ZNF138: variants seen among roughly 807,000 people sequenced by gnomAD.
ZNF138 encodes the protein zinc finger protein 138 (clone pHZ-32).
A neutral mutation model predicts 33.0 loss-of-function variants in ZNF138; 33 were observed. The ratio of observed to expected loss-of-function variants is 1.00; its 90% CI spans 0.76 to 1.34. The LOEUF is 1.34. Among genes scored for constraint, ZNF138 ranks in the 40% most tolerant of loss-of-function variants. The pLI is 0.00. For missense variants in ZNF138, 360 were observed against 370.8 expected, an observed-to-expected ratio of 0.97 and a Z score of 0.24; for synonymous variants, 139 against 120.4, an observed-to-expected ratio of 1.15 and a Z score of -1.01.
intron 3 of ZNF138, among the ~76,000 whole-genome samples, chr7:64,817,131 G>A (rs1352343987): frequency 6.6e-6 from 1 of 151,308 alleles, no homozygotes; most frequent in East Asian, 1.9e-4. Context: ...TCACTGTGTG[G>A]GTTTCTATGT....
At chr7:64,814,593 C>T (rs533899492) in intron 1 of ZNF138, among the ~76,000 whole-genome samples, 101 of 152,112 alleles carry the variant, frequency 6.6e-4, no homozygotes, top group South Asian at 2.5e-3. Context: ...AGTGAAGCCC[C>T]GTTTCTACTA....
the ZNF138 span, chr7:64,852,351 A>G: frequency 8.4e-7 from 1 of 1,195,332 alleles, no homozygotes; most frequent in Non-Finnish European, 1.2e-6. Context: ...TAAAGGAAAT[A>G]GATCTATTTA....
chr7:64,860,061 C>A, the ZNF138 span, among the ~76,000 whole-genome samples: 11 of 152,118 alleles, frequency 7.2e-5, no homozygotes, highest in Admixed American at 1.3e-4. Context: ...TGCTTGAACT[C>A]GGGAGGCGGA....
chr7:64,831,132 AC>A (rs1353598990), intron 3 of ZNF138: 1 of 1,545,850 alleles, frequency 6.5e-7, no homozygotes, highest in Non-Finnish European at 8.7e-7. Flanking sequence ...TTGGCAGTTT[AC>A]TTCTAGAGGC....
At chr7:64,798,226 C>T (rs1035863385) in intron 1 of ZNF138, among the ~76,000 whole-genome samples, 1 of 152,188 alleles carries the variant, frequency 6.6e-6, no homozygotes, top group Non-Finnish European at 1.5e-5. Context: ...CAGGCGTGAG[C>T]CACCACGCTC....
intron 1 of ZNF138, among the ~76,000 whole-genome samples, chr7:64,808,308 G>T (rs1300187711): frequency 6.6e-6 from 1 of 152,170 alleles, no homozygotes; most frequent in East Asian, 1.9e-4. Context: ...AAAACAAGGA[G>T]GTGGTCTGGA....
chr7:64,799,449 A>G (rs1786967032), intron 1 of ZNF138, among the ~76,000 whole-genome samples: 3 of 151,834 alleles, frequency 2.0e-5, no homozygotes, highest in Non-Finnish European at 2.9e-5. Context: ...AGGCTGAGTC[A>G]TGCCACCCAG....
At chr7:64,836,613 G>A (rs1225074989), downstream of ZNF138, 2 of 152,198 alleles carry the variant, frequency 1.3e-5, no homozygotes, top group Admixed American at 1.3e-4. Flanking sequence ...ATCCTCCAGT[G>A]GAGGTACTGA....
the ZNF138 span, among the ~76,000 whole-genome samples, chr7:64,838,850 G>A: frequency 7.2e-5 from 11 of 152,112 alleles, no homozygotes; most frequent in East Asian, 3.9e-4. Flanking sequence ...GCCAAATGGC[G>A]GCAGAAGAAC....
intron 1 of ZNF138, among the ~76,000 whole-genome samples, chr7:64,795,015 C>G (rs775584064): frequency 6.6e-6 from 1 of 152,156 alleles, no homozygotes; most frequent in Non-Finnish European, 1.5e-5. Flanking sequence ...AATTGTGGAG[C>G]ACCCAGCTGT....
chr7:64,804,640 G>C (rs1459640237), intron 1 of ZNF138, among the ~76,000 whole-genome samples: 2 of 152,128 alleles, frequency 1.3e-5, no homozygotes, highest in African/African-American at 4.8e-5. Flanking sequence ...AATAAGCCAG[G>C]TGTGGTGGCA....
At chr7:64,801,855 C>T (rs908857798) in intron 1 of ZNF138, among the ~76,000 whole-genome samples, 2 of 152,128 alleles carry the variant, frequency 1.3e-5, no homozygotes, top group African/African-American at 4.8e-5. Flanking sequence ...ATCTTGGGAC[C>T]CAAAACTCAT....
chr7:64,814,895 GTT>G (rs749748868), intron 1 of ZNF138, 21 bp from the exon 2 acceptor site: 17 of 1,609,680 alleles, frequency 1.1e-5, no homozygotes, highest in Non-Finnish European at 1.4e-5. Context: ...GTGTGTGTGT[GTT>G]TGTGTGTGCG....
intron 3 of ZNF138, 143 bp downstream of exon 3, chr7:64,815,796 TA>T (rs1258238932): frequency 1.8e-5 from 12 of 679,674 alleles, no homozygotes; most frequent in Admixed American, 1.0e-4. Context: ...TGCTCTTACA[TA>T]AGACATCTTC....
intron 1 of ZNF138, among the ~76,000 whole-genome samples, chr7:64,810,076 A>G (rs187283908): frequency 0.25 from 17,011 of 68,910 alleles, 2,990 homozygotes; most frequent in Non-Finnish European, 0.32. Flanking sequence ...CAGAGGCTGC[A>G]ATCTCGGCAC....
intron 3 of ZNF138, among the ~76,000 whole-genome samples, chr7:64,821,438 A>G (rs1263637740): frequency 6.6e-6 from 1 of 151,408 alleles, no homozygotes; most frequent in Non-Finnish European, 1.5e-5. Context: ...TACAAATATT[A>G]ATTTAGTGTG....
chr7:64,825,485 C>A (rs1230228974), intron 3 of ZNF138, among the ~76,000 whole-genome samples: 1 of 149,484 alleles, frequency 6.7e-6, no homozygotes, highest in Non-Finnish European at 1.5e-5. Flanking sequence ...ATGCTTTTTT[C>A]TTAAGCCACT....
At chr7:64,813,608 G>C (rs1429386318) in intron 1 of ZNF138, among the ~76,000 whole-genome samples, 1 of 151,938 alleles carries the variant, frequency 6.6e-6, no homozygotes, top group Non-Finnish European at 1.5e-5. Context: ...TAATTTTTTT[G>C]TATTTTTAGT....
the ZNF138 span, among the ~76,000 whole-genome samples, chr7:64,839,248 G>A: frequency 0.044 from 6,680 of 152,280 alleles, 211 homozygotes; most frequent in East Asian, 0.15. Context: ...AAAATTAGTT[G>A]CTTTCGTTTT....
Sources: gnomAD v4.1 joint callset for allele counts (sites outside exome capture counted in the v4.1 genomes callset) on GRCh38, gnomAD v4.1.1 for gene constraint, MANE v1.5 for transcripts, NCBI Gene and HGNC (gene_info 2026-07-23, HGNC 2026-07-21) for gene names.